The following LBHD1 variants were observed in gnomAD, a reference collection of about 807,000 sequenced individuals.
LBHD1 encodes the protein LBH domain containing 1.
Under a neutral mutation model 31.1 loss-of-function variants are expected in LBHD1, and 28 were observed. The observed-to-expected ratio is 0.90, with a 90% CI of 0.67 to 1.24. The LOEUF is 1.24. Ranked by LOEUF, LBHD1 falls within the 50% of genes most tolerant of loss-of-function variation. The probability of loss-of-function intolerance (pLI) is 0.00; values close to 1 mark genes in which losing one functional copy is unlikely to be tolerated. For synonymous variants in LBHD1, 105 were observed against 116.5 expected (o/e 0.90, Z 0.63); for missense variants, 350 against 323.0 (o/e 1.08, Z -0.64).
At chr11:62,665,478 G>A (rs766854480) in intron 4 of LBHD1, 229 of 1,577,378 alleles carry the variant, frequency 1.5e-4, no homozygotes, top group Non-Finnish European at 1.9e-4. Context: ...ATGTACGGAG[G>A]AAGAGGGAAA....
At chr11:62,665,950 G>C in intron 4 of LBHD1, 1 of 1,610,646 alleles carries the variant, frequency 6.2e-7, no homozygotes, top group Non-Finnish European at 8.5e-7. Flanking sequence ...TTTGCGGGTA[G>C]GGAGGTGGGG....
chr11:62,668,073 T>TA (rs777143169), intron 3 of LBHD1: 61 of 238,404 alleles, frequency 2.6e-4, no homozygotes, highest in Non-Finnish European at 3.9e-4. Context: ...TTTTTGCTTA[T>TA]AAAAAAATAG....
intron 3 of LBHD1, chr11:62,668,443 C>T (rs1944876150): frequency 2.8e-5 from 4 of 142,682 alleles, no homozygotes; most frequent in Non-Finnish European, 6.0e-5. Flanking sequence ...GATCCTGCCA[C>T]TGCACTCCGC....
Position 62,671,514 on chromosome 11 carries a change from C to G in LBHD1, c.-11+50G>C, listed in dbSNP as rs969347012. On this transcript the variant is annotated intron_variant, in intron 1 of 6. Coordinates refer to ENST00000354588, the MANE Select transcript of LBHD1 (RefSeq NM_024099.5). ...ATTGAGGACACAGGGTCCCCGCGCTCAGCCCTTGGTGCCAGCACTTCTTGG... is the reference window on the plus strand; with the variant it reads ...ATTGAGGACACAGGGTCCCCGCGCTGAGCCCTTGGTGCCAGCACTTCTTGG... 3 of 1,398,258 alleles carry G rather than the reference C, an allele frequency of 2.1e-6. No individual in the cohort carries two copies. In the African/African-American group the frequency reaches 4.4e-5, roughly 20 times the overall value. 86.6% of individuals were successfully genotyped at this position (1,398,258 alleles called of 1,614,324 possible). A position where few individuals can be genotyped will look rare whatever the true frequency, so the allele number is the denominator to read the frequency against.
chr11:62,666,499 C>T (rs751224800), intron 4 of LBHD1: 27 of 1,614,072 alleles, frequency 1.7e-5, no homozygotes, highest in East Asian at 6.7e-5. Context: ...TCTTTGGATA[C>T]GACGAAGTCC....
At position 62,672,195 on chromosome 11, in the gene LBHD1, C is replaced by A. The variant is rs1944957902; in HGVS notation, c.-642G>T. 7.2e-7 allele frequency: 1 copy of A among 1,385,956 alleles called. No individual in the cohort carries two copies. The highest frequency in any genetic ancestry group is 9.8e-7 in the Non-Finnish European group (1 of 1,022,922). The allele number at this position is 1,385,956 out of a possible 1,614,324, so 85.9% of individuals were successfully genotyped here. ...CAGCCTTTCTCCTTCGTGGGCCCAG[C>A]GGAGAGTCCGGACCGAGATACCATG... On this transcript the variant is annotated 5_prime_UTR_variant, in exon 1 of 7. Transcript: ENST00000354588.
At chr11:62,668,294 A>G (rs921797382) in intron 3 of LBHD1, 6 of 153,132 alleles carry the variant, frequency 3.9e-5, no homozygotes, top group Non-Finnish European at 8.7e-5. Context: ...AGCCTGGGCA[A>G]TATGGTGAAA....
intron 4 of LBHD1, chr11:62,667,212 C>G: frequency 1.4e-6 from 1 of 731,370 alleles, no homozygotes; most frequent in South Asian, 1.9e-5. Context: ...CCCCAGTTTA[C>G]TCATCTGCAG....
Position 62,663,256 on chromosome 11 carries a change from T to C in LBHD1, c.741A>G (p.Glu247=), listed in dbSNP as rs753812136. The change falls in exon 6 of 7, where the codon GAA becomes GAG. Residue 247 remains glutamate, a synonymous_variant. Transcript: ENST00000354588. ...CTCACCTTCCATGGCTGTCTTCTCTTTCTGGGCAAGCCGGATCTGCTGGAG... is the reference window on the plus strand; with the variant it reads ...CTCACCTTCCATGGCTGTCTTCTCTCTCTGGGCAAGCCGGATCTGCTGGAG... ...KTPPADPACP[E]REDSHGSGSP... 1.9e-6 allele frequency: 3 copies of C among 1,614,186 alleles called. No homozygotes were observed. The highest frequency in any genetic ancestry group is 1.1e-5 in the South Asian group (1 of 91,090).
At position 62,665,242 on chromosome 11, in the gene LBHD1, T is replaced by A; in HGVS notation, c.539-269A>T. 3 of 763,318 alleles carry A rather than the reference T, an allele frequency of 3.9e-6. No homozygotes were observed. The East Asian group carries it at 8.0e-5, about 20-fold the overall frequency. 47.3% of individuals were successfully genotyped at this position (763,318 alleles called of 1,614,324 possible). ...GGATCCGCGGGGCTCCGCCCCGGCC[T>A]TCCGCGGGCCAATCGCAACTCGGGG... On this transcript the variant is annotated intron_variant, in intron 4 of 6. Coordinates refer to ENST00000354588, the MANE Select transcript of LBHD1 (RefSeq NM_024099.5).
intron 4 of LBHD1, chr11:62,665,590 A>G (rs759256836): frequency 1.5e-5 from 24 of 1,566,046 alleles, no homozygotes; most frequent in African/African-American, 4.0e-5. Flanking sequence ...GAGAAGGACA[A>G]CCGAGATCCA....
chr11:62,671,588 C>T lies in LBHD1; in HGVS notation c.-35G>A. The T allele has an allele frequency of 6.8e-7, 1 of 1,470,742 alleles. No homozygotes were observed. Among genetic ancestry groups the T allele is most frequent in the Non-Finnish European group, 8.9e-7 (1 of 1,118,584 alleles). 91.1% of individuals were successfully genotyped at this position (1,470,742 alleles called of 1,614,324 possible). A position where few individuals can be genotyped will look rare whatever the true frequency, so the allele number is the denominator to read the frequency against. ...CCTGAGATCCAAGCGCTCCGGATTC[C>T]AAACGTTTCCTCGAGCAGGTCCTCT... On this transcript the variant is annotated 5_prime_UTR_variant, in exon 1 of 7. Transcript: ENST00000354588.
intron 3 of LBHD1, 84 bp from the exon 4 acceptor site, chr11:62,667,831 C>A: frequency 1.0e-6 from 1 of 986,040 alleles, no homozygotes; most frequent in Non-Finnish European, 1.6e-6. Flanking sequence ...TGGCTCATAC[C>A]TATAATCACA....
In LBHD1 at chr11:62,663,074, C is replaced by G. The variant is rs1190048950; in HGVS notation, c.*55G>C. 4.4e-6 allele frequency: 7 copies of G among 1,606,564 alleles called. No individual in the cohort carries two copies. The South Asian group carries it at 7.7e-5, about 18-fold the overall frequency. On this transcript the variant is annotated 3_prime_UTR_variant, in exon 7 of 7. Transcript: ENST00000354588. The stretch of plus-strand genomic sequence containing the variant: ...TTTAGCTCTCATCTTCAAGGTCCTT[C>G]ATTTCTACATCCTGGGGGGCTTTTG...
At chr11:62,665,564 G>C (rs1012873834) in intron 4 of LBHD1, 1 of 1,569,450 alleles carries the variant, frequency 6.4e-7, no homozygotes, top group African/African-American at 1.3e-5. Flanking sequence ...CAAACGCCGG[G>C]ACACCGGGAA....
chr11:62,668,814 A>C (rs1944886526), intron 3 of LBHD1, among the ~76,000 whole-genome samples: 1 of 151,582 alleles, frequency 6.6e-6, no homozygotes, highest in Admixed American at 6.6e-5. Context: ...AAAAAAAAAA[A>C]CCAAAACCAA....
chr11:62,670,650 CCCAGCACT>C (rs1944921926), intron 1 of LBHD1: 1 of 153,270 alleles, frequency 6.5e-6, no homozygotes, highest in African/African-American at 2.4e-5. Context: ...CACCTGTAAT[CCCAGCACT>C]TTGGGAGGCC....
chr11:62,663,384 G>A (rs1944705674), intron 5 of LBHD1, 51 bp from the exon 6 acceptor site: 2 of 1,562,970 alleles, frequency 1.3e-6, no homozygotes, highest in South Asian at 1.1e-5. Context: ...AACCAACTGA[G>A]GTCACACAAA....
Position 62,672,035 on chromosome 11 carries a change from C to G in LBHD1, c.-482G>C. 1 of 1,612,548 alleles carries G rather than the reference C, an allele frequency of 6.2e-7. No homozygotes were observed. Among genetic ancestry groups the G allele is most frequent in the Non-Finnish European group, 8.5e-7 (1 of 1,179,520 alleles). ...TTGCTGGCCACTCTGCAGGAGGCAG[C>G]GACCACGCAGGAGAACGTGGCCTGG... is the stretch of plus-strand genomic sequence containing the variant. On this transcript the variant is annotated 5_prime_UTR_variant, in exon 1 of 7. Transcript: ENST00000354588.
Sources: allele counts gnomAD v4.1 joint callset (sites outside exome capture counted in the v4.1 genomes callset), GRCh38; gene constraint gnomAD v4.1.1; transcripts MANE v1.5; gene names NCBI Gene and HGNC (gene_info 2026-07-23, HGNC 2026-07-21).